LDLRAD4: variants seen among roughly 807,000 people sequenced by gnomAD.
LDLRAD4 encodes low density lipoprotein receptor class A domain containing 4, also known as low-density lipoprotein receptor class A domain-containing protein 4.
In LDLRAD4, 5 loss-of-function variants were observed where a neutral mutation model predicts 17.0. The ratio of observed to expected loss-of-function variants is 0.29; its 90% CI spans 0.15 to 0.62. The LOEUF is 0.62. LDLRAD4 is among the 20% of genes least tolerant of loss of function. The pLI is 0.84. For synonymous variants in LDLRAD4, 168 were observed against 171.8 expected (o/e 0.98, Z 0.17); for missense variants, 340 against 424.7 (o/e 0.80, Z 1.75).
chr18:13,301,783 A>G (rs2046618211), intron 1 of LDLRAD4, among the ~76,000 whole-genome samples: 1 of 152,214 alleles, frequency 6.6e-6, no homozygotes, highest in South Asian at 2.1e-4. Flanking sequence ...GATGGCCTAA[A>G]GAAACCATAG....
chr18:13,368,119 T>C (rs2084202645), intron 1 of LDLRAD4, among the ~76,000 whole-genome samples: 2 of 152,070 alleles, frequency 1.3e-5, no homozygotes, highest in South Asian at 4.2e-4. Flanking sequence ...GAGTGAGCCT[T>C]TCTAGGAGGC....
At chr18:13,640,292 CAAAA>C (rs55794457) in intron 4 of LDLRAD4, among the ~76,000 whole-genome samples, 3 of 98,492 alleles carry the variant, frequency 3.0e-5, no homozygotes, top group South Asian at 3.8e-4. Flanking sequence ...GATTCCATCT[CAAAA>C]AAAAAAAAAA....
intron 1 of LDLRAD4, among the ~76,000 whole-genome samples, chr18:13,355,675 A>C (rs2083293743): frequency 6.6e-6 from 1 of 152,150 alleles, no homozygotes; most frequent in Admixed American, 6.6e-5. Context: ...TCTGTTGCCC[A>C]GGCTGAAGTG....
chr18:13,476,321 G>A (rs1484849949), intron 3 of LDLRAD4, among the ~76,000 whole-genome samples: 34 of 152,164 alleles, frequency 2.2e-4, no homozygotes, highest in Admixed American at 2.2e-3. Flanking sequence ...GACTGAATTA[G>A]GAGACTTCAT....
intron 1 of LDLRAD4, among the ~76,000 whole-genome samples, chr18:13,248,042 C>T (rs901287188): frequency 2.0e-5 from 3 of 150,234 alleles, no homozygotes; most frequent in Non-Finnish European, 4.4e-5. Context: ...CTCACTGCAA[C>T]CTCCACCTCC....
rs553192037 is a variant in LDLRAD4 at position 13,531,778 on chromosome 18, C to G, written c.182-89339C>G. ...GATGGAGAGAAAGCGCTGCATCTTT[C>G]TCCTTAGAGAACTCTGGGGTTGTGC... On this transcript the variant is annotated intron_variant, in intron 3 of 5. Coordinates refer to ENST00000359446, the Ensembl canonical transcript of LDLRAD4. Among the ~76,000 whole-genome samples, 18 of 152,174 alleles carry G rather than the reference C, an allele frequency of 1.2e-4. No individual in the cohort carries two copies. In the South Asian group the frequency reaches 3.7e-3, roughly 32 times the overall value.
chr18:13,512,503 T>A (rs1388253648), intron 3 of LDLRAD4, among the ~76,000 whole-genome samples: 1 of 152,250 alleles, frequency 6.6e-6, no homozygotes, highest in African/African-American at 2.4e-5. Context: ...TTTGGACATA[T>A]ATTATGTTCC....
rs137971625 is a variant in LDLRAD4 at position 13,572,834 on chromosome 18, C to A, written c.182-48283C>A. Among the ~76,000 whole-genome samples, 3 of 152,312 alleles carry A rather than the reference C, an allele frequency of 2.0e-5. No individual in the cohort carries two copies. In the East Asian group the frequency reaches 5.8e-4, roughly 29 times the overall value. ...TAGGAATTTGTTAGCAGTGCATACC[C>A]GTGGCAAGAGCTGTGGCTAAAGCAC... On this transcript the variant is annotated intron_variant, in intron 3 of 5. Transcript: ENST00000359446.
chr18:13,338,054 C>T (rs73421319), intron 1 of LDLRAD4, among the ~76,000 whole-genome samples: 1,927 of 152,218 alleles, frequency 0.013, 18 homozygotes, highest in African/African-American at 0.034. Context: ...ACTTTATGGT[C>T]ACCTACAGCT....
chr18:13,307,387 TTTCTC>T (rs1345278627), intron 1 of LDLRAD4, among the ~76,000 whole-genome samples: 1 of 152,170 alleles, frequency 6.6e-6, no homozygotes, highest in South Asian at 2.1e-4. Flanking sequence ...CTAAATATAT[TTTCTC>T]TTTCTTATGA....
chr18:13,387,505 G>C (rs1267821116), exon 2 of LDLRAD4: 1 of 494,076 alleles, frequency 2.0e-6, no homozygotes, highest in Non-Finnish European at 3.6e-6. Context: ...CTGGCTGGAC[G>C]GCTGACGGGA....
At chr18:13,371,375 T>A (rs572963682) in intron 1 of LDLRAD4, among the ~76,000 whole-genome samples, 1 of 152,288 alleles carries the variant, frequency 6.6e-6, no homozygotes, top group South Asian at 2.1e-4. Flanking sequence ...CTCACAAATG[T>A]TAAGCCCTTG....
intron 1 of LDLRAD4, among the ~76,000 whole-genome samples, chr18:13,287,250 G>C (rs879584825): frequency 2.0e-5 from 3 of 152,166 alleles, no homozygotes; most frequent in Non-Finnish European, 2.9e-5. Flanking sequence ...ATAAAGTACA[G>C]AAAGATACAC....
At chr18:13,332,626 A>G (rs1309253307) in intron 1 of LDLRAD4, among the ~76,000 whole-genome samples, 1 of 152,196 alleles carries the variant, frequency 6.6e-6, no homozygotes, top group African/African-American at 2.4e-5. Context: ...TGCCTTTTCC[A>G]GAATGTCATA....
intron 1 of LDLRAD4, among the ~76,000 whole-genome samples, chr18:13,272,069 T>C (rs764318750): frequency 4.6e-5 from 7 of 152,222 alleles, no homozygotes; most frequent in African/African-American, 9.6e-5. Context: ...CTAATTTTTG[T>C]ATTTTTAGTA....
At chr18:13,381,415 AT>A (rs1568075728) in intron 1 of LDLRAD4, among the ~76,000 whole-genome samples, 2 of 151,906 alleles carry the variant, frequency 1.3e-5, no homozygotes, top group African/African-American at 4.8e-5. Flanking sequence ...GGCCAGAGAC[AT>A]GGCCATAGGG....
chr18:13,593,651 G>T (rs1280196417), intron 3 of LDLRAD4, among the ~76,000 whole-genome samples: 2 of 152,124 alleles, frequency 1.3e-5, no homozygotes, highest in East Asian at 1.9e-4. Flanking sequence ...TGAGATAGGG[G>T]CTTGCTATAT....
chr18:13,496,010 C>T (rs924658127), intron 3 of LDLRAD4, among the ~76,000 whole-genome samples: 2 of 152,108 alleles, frequency 1.3e-5, no homozygotes, highest in African/African-American at 4.8e-5. Context: ...GTTCTTCTGG[C>T]GCTCCCACCA....
chr18:13,222,755 C>T (rs779790721), intron 1 of LDLRAD4, among the ~76,000 whole-genome samples: 26 of 152,222 alleles, frequency 1.7e-4, no homozygotes, highest in Non-Finnish European at 3.5e-4. Context: ...TGCTAGGCTG[C>T]TCCGCCTCCT....
Sources: gnomAD v4.1 joint callset for allele counts (sites outside exome capture counted in the v4.1 genomes callset) on GRCh38, gnomAD v4.1.1 for gene constraint, MANE v1.5 for transcripts, NCBI Gene and HGNC (gene_info 2026-07-23, HGNC 2026-07-21) for gene names.